ATL1: variants seen among roughly 807,000 people sequenced by gnomAD.
The protein encoded by ATL1 is atlastin-1.
Under a neutral mutation model 75.5 loss-of-function variants are expected in ATL1, and 31 were observed. The ratio of observed to expected loss-of-function variants is 0.41; its 90% CI spans 0.31 to 0.55. ATL1 has a LOEUF of 0.55. Among genes scored for constraint, ATL1 ranks in the 20% least tolerant of loss-of-function variants. The pLI is 0.27. For missense variants in ATL1, 405 were observed against 662.6 expected, an observed-to-expected ratio of 0.61 and a Z score of 4.27; for synonymous variants, 226 against 233.3, an observed-to-expected ratio of 0.97 and a Z score of 0.28.
At chr14:50,541,642 C>T (rs984714399) in intron 1 of ATL1, among the ~76,000 whole-genome samples, 2 of 152,122 alleles carry the variant, frequency 1.3e-5, no homozygotes, top group African/African-American at 2.4e-5. Context: ...ATTCAGCAGA[C>T]CCAATGGTAA....
At chr14:50,549,882 A>G (rs12587721) in intron 1 of ATL1, among the ~76,000 whole-genome samples, 128,104 of 152,216 alleles carry the variant, frequency 0.84, 55,820 homozygotes, top group Non-Finnish European at 0.94. Flanking sequence ...CCACTAACAC[A>G]CTTGGCATCA....
At chr14:50,610,478 T>G (rs1007006507) in intron 6 of ATL1, among the ~76,000 whole-genome samples, 3 of 152,138 alleles carry the variant, frequency 2.0e-5, no homozygotes, top group African/African-American at 7.2e-5. Flanking sequence ...TAATACTGCT[T>G]CTTGGAAAAC....
At chr14:50,617,106 C>A (rs1305165941) in intron 8 of ATL1, among the ~76,000 whole-genome samples, 1 of 152,132 alleles carries the variant, frequency 6.6e-6, no homozygotes, top group Non-Finnish European at 1.5e-5. Flanking sequence ...TCAATAGTAA[C>A]CATTGTTATA....
At chr14:50,554,282 C>T (rs937932719) in intron 1 of ATL1, among the ~76,000 whole-genome samples, 2 of 152,160 alleles carry the variant, frequency 1.3e-5, no homozygotes, top group Admixed American at 1.3e-4. Flanking sequence ...TGGTTACACA[C>T]CTTACCTACT....
At chr14:50,627,204 G>A (rs1293052300) in intron 11 of ATL1, among the ~76,000 whole-genome samples, 1 of 152,224 alleles carries the variant, frequency 6.6e-6, no homozygotes, top group Non-Finnish European at 1.5e-5. Context: ...AAAGATTGAT[G>A]TGCTGAAGGC....
At chr14:50,570,827 G>A (rs923955035) in intron 1 of ATL1, among the ~76,000 whole-genome samples, 3 of 152,016 alleles carry the variant, frequency 2.0e-5, no homozygotes, top group Non-Finnish European at 4.4e-5. Context: ...TGGTAACTCT[G>A]GAAGTCAGAA....
intron 1 of ATL1, among the ~76,000 whole-genome samples, chr14:50,545,047 AG>A (rs1320344627): frequency 1.3e-5 from 2 of 152,008 alleles, no homozygotes; most frequent in South Asian, 4.2e-4. Context: ...CCAGGCTGTG[AG>A]CCAAGGCCAT....
At chr14:50,569,581 A>G (rs2038936531) in intron 1 of ATL1, among the ~76,000 whole-genome samples, 1 of 152,142 alleles carries the variant, frequency 6.6e-6, no homozygotes, top group Non-Finnish European at 1.5e-5. Flanking sequence ...GAAGCTACAA[A>G]CTGTTGTTAA....
chr14:50,546,936 C>T (rs1483551715), intron 1 of ATL1, among the ~76,000 whole-genome samples: 2 of 152,066 alleles, frequency 1.3e-5, no homozygotes, highest in African/African-American at 4.8e-5. Context: ...TTGCTGCACC[C>T]ATATACCCGT....
intron 1 of ATL1, among the ~76,000 whole-genome samples, chr14:50,550,594 G>T (rs982375348): frequency 6.6e-6 from 1 of 152,200 alleles, no homozygotes; most frequent in African/African-American, 2.4e-5. Flanking sequence ...GATTGTCTCT[G>T]CAGGAAGGCC....
chr14:50,582,236 G>A (rs1281939879), intron 1 of ATL1, among the ~76,000 whole-genome samples: 2 of 151,274 alleles, frequency 1.3e-5, no homozygotes, highest in Non-Finnish European at 3.0e-5. Context: ...CCGAGATCGC[G>A]CCACTGCACT....
chr14:50,630,063 T>C, intron 13 of ATL1, 54 bp downstream of exon 13: 1 of 1,360,868 alleles, frequency 7.3e-7, no homozygotes, highest in Non-Finnish European at 1.0e-6. Flanking sequence ...ATTATGATAT[T>C]ATTTTATAAA....
chr14:50,557,516 T>C (rs2038778933), upstream of ATL1, among the ~76,000 whole-genome samples: 1 of 152,236 alleles, frequency 6.6e-6, no homozygotes, highest in Non-Finnish European at 1.5e-5. Flanking sequence ...TATAAAGATC[T>C]TCTGTATTCT....
chr14:50,574,455 T>C (rs1178632467), intron 1 of ATL1, among the ~76,000 whole-genome samples: 1 of 152,178 alleles, frequency 6.6e-6, no homozygotes, highest in East Asian at 1.9e-4. Flanking sequence ...AGAGAACAGC[T>C]TAGAATGATT....
chr14:50,573,671 T>C (rs2038975276), intron 1 of ATL1, among the ~76,000 whole-genome samples: 1 of 152,222 alleles, frequency 6.6e-6, no homozygotes, highest in African/African-American at 2.4e-5. Flanking sequence ...GTTCATATCT[T>C]CTATACTCTG....
chr14:50,616,939 C>G (rs2039421540), intron 8 of ATL1, among the ~76,000 whole-genome samples: 1 of 152,210 alleles, frequency 6.6e-6, no homozygotes, highest in African/African-American at 2.4e-5. Context: ...TCCAGGATGT[C>G]TTGTCAGCTG....
chr14:50,574,628 G>A (rs1261865050), intron 1 of ATL1, among the ~76,000 whole-genome samples: 1 of 151,934 alleles, frequency 6.6e-6, no homozygotes, highest in Non-Finnish European at 1.5e-5. Context: ...TTTTCTTAGC[G>A]GGAATTGTGC....
intron 6 of ATL1, among the ~76,000 whole-genome samples, chr14:50,596,784 T>A (rs2039221667): frequency 6.6e-6 from 1 of 152,162 alleles, no homozygotes; most frequent in Non-Finnish European, 1.5e-5. Context: ...AATTGAGTGC[T>A]TGAAAGAAAA....
At chr14:50,596,198 G>A (rs1453319489) in intron 6 of ATL1, among the ~76,000 whole-genome samples, 1 of 152,120 alleles carries the variant, frequency 6.6e-6, no homozygotes, top group Non-Finnish European at 1.5e-5. Context: ...GTCAGGCATG[G>A]TAGCACATTC....
Sources: allele counts gnomAD v4.1 joint callset (sites outside exome capture counted in the v4.1 genomes callset), GRCh38; gene constraint gnomAD v4.1.1; transcripts MANE v1.5; gene names NCBI Gene and HGNC (gene_info 2026-07-23, HGNC 2026-07-21).